CHD6: variants seen among roughly 807,000 people sequenced by gnomAD.
CHD6 encodes ATP-dependent chromatin remodeler CHD6.
Under a neutral mutation model 276.9 loss-of-function variants are expected in CHD6, and 50 were observed. The observed-to-expected ratio is 0.18, with a 90% CI of 0.14 to 0.23. The LOEUF (loss-of-function observed/expected upper bound fraction) is 0.23. Among genes scored for constraint, CHD6 ranks in the 10% least tolerant of loss-of-function variants. The pLI is 1.00. For synonymous variants in CHD6, 1,173 were observed against 1,229.3 expected (o/e 0.95, Z 0.96); for missense variants, 2,564 against 3,365.8 (o/e 0.76, Z 5.89).
chr20:41,518,499 G>C (rs913634389), intron 3 of CHD6, among the ~76,000 whole-genome samples: 1 of 152,174 alleles, frequency 6.6e-6, no homozygotes, highest in African/African-American at 2.4e-5. Context: ...TCAAGCCTGA[G>C]GCGCTACTAG....
chr20:41,527,630 T>C (rs1353210462), intron 3 of CHD6, among the ~76,000 whole-genome samples: 1 of 152,216 alleles, frequency 6.6e-6, no homozygotes, highest in African/African-American at 2.4e-5. Flanking sequence ...GCTGACTTTT[T>C]ACTAAAGGCT....
At chr20:41,427,806 T>C (rs944499009) in intron 27 of CHD6, among the ~76,000 whole-genome samples, 5 of 152,234 alleles carry the variant, frequency 3.3e-5, no homozygotes, top group African/African-American at 1.2e-4. Context: ...TATACTACTA[T>C]TTAGGCAGTT....
intron 27 of CHD6, among the ~76,000 whole-genome samples, chr20:41,435,407 G>T (rs2047674103): frequency 6.6e-6 from 1 of 151,928 alleles, no homozygotes; most frequent in African/African-American, 2.4e-5. Context: ...ACTAGCCTGG[G>T]CAACAGCAAG....
chr20:41,448,029 C>G, intron 23 of CHD6, 58 bp from the exon 24 acceptor site: 4 of 972,564 alleles, frequency 4.1e-6, no homozygotes, highest in Non-Finnish European at 6.2e-6. Context: ...GTCTGTGAAC[C>G]ACATCCCCAA....
chr20:41,535,333 A>G (rs955717923), intron 2 of CHD6, among the ~76,000 whole-genome samples: 1 of 152,366 alleles, frequency 6.6e-6, no homozygotes, highest in Middle Eastern at 3.4e-3. Flanking sequence ...TGTAATCTTT[A>G]TAACAATCCC....
chr20:41,553,363 CTAATAA>C (rs2045174196), intron 1 of CHD6, among the ~76,000 whole-genome samples: 1 of 152,216 alleles, frequency 6.6e-6, no homozygotes. Context: ...TTGGTTTGGG[CTAATAA>C]CTCTTTGTCA....
chr20:41,513,869 C>G (rs1186082220), intron 4 of CHD6, among the ~76,000 whole-genome samples: 12 of 152,194 alleles, frequency 7.9e-5, no homozygotes, highest in Admixed American at 6.5e-5. Context: ...TAAGTTACCT[C>G]TATGATGTTT....
intron 35 of CHD6, 94 bp from the exon 36 acceptor site, chr20:41,412,357 C>T (rs934059732): frequency 2.8e-6 from 4 of 1,424,054 alleles, no homozygotes; most frequent in Admixed American, 1.8e-5. Context: ...CTATTGTTCT[C>T]GTCAATGGTT....
chr20:41,525,993 A>C (rs1358784641), intron 3 of CHD6, among the ~76,000 whole-genome samples: 1 of 152,200 alleles, frequency 6.6e-6, no homozygotes, highest in Admixed American at 6.5e-5. Context: ...TCCCTATAAA[A>C]AAACTCATAA....
chr20:41,612,660 T>A (rs775795488), intron 1 of CHD6, among the ~76,000 whole-genome samples: 52 of 152,240 alleles, frequency 3.4e-4, no homozygotes, highest in Non-Finnish European at 5.6e-4. Flanking sequence ...TGATCTAGAC[T>A]TAGCTTACCA....
At chr20:41,505,393 C>T (rs755817065) in intron 5 of CHD6, among the ~76,000 whole-genome samples, 4 of 152,108 alleles carry the variant, frequency 2.6e-5, no homozygotes, top group African/African-American at 9.7e-5. Flanking sequence ...AAACACTCCA[C>T]GAGCCCTGTA....
At chr20:41,476,214 T>C (rs2043164279) in intron 16 of CHD6, among the ~76,000 whole-genome samples, 1 of 152,126 alleles carries the variant, frequency 6.6e-6, no homozygotes, top group African/African-American at 2.4e-5. Flanking sequence ...TTTTCCACAC[T>C]GAACTTCAGC....
At chr20:41,515,550 AT>A (rs922836230) in intron 3 of CHD6, among the ~76,000 whole-genome samples, 1 of 152,098 alleles carries the variant, frequency 6.6e-6, no homozygotes, top group African/African-American at 2.4e-5. Context: ...AGATGGCAAC[AT>A]TTTCTCTAAA....
rs1339679096 is a variant in CHD6 at position 41,437,310 on chromosome 20, A to G, written c.4032T>C (p.Asn1344=). 1.2e-6 allele frequency: 2 copies of G among 1,613,522 alleles called. No homozygotes were observed. The highest frequency in any genetic ancestry group is 1.3e-5 in the African/African-American group (1 of 74,910). ...PERGNTDKED[N]AEDKVDGLQK... ...GGAGGCCATCTACTTTGTCCTCAGC[A>G]TTGTCTTCTTTATCTGTGTTGCCTC... The change falls in exon 27 of 37, where the codon AAT becomes AAC. Residue 1344 remains asparagine, a synonymous_variant. Coordinates refer to ENST00000373233, the MANE Select transcript of CHD6 (RefSeq NM_032221.5).
chr20:41,580,093 CA>C (rs1437201301), intron 1 of CHD6, among the ~76,000 whole-genome samples: 1 of 152,118 alleles, frequency 6.6e-6, no homozygotes, highest in African/African-American at 2.4e-5. Flanking sequence ...AATTTCCTTT[CA>C]AAACTTAAGA....
rs3215512 is a variant in CHD6, at chr20:41,425,788, T to TA, written c.4129+304dup. ...TAAACCAACCCCCACAACCTTTCTTTAAAAAAAAAAACAAAAAAAACAAAA... is the reference window on the plus strand; with the variant it reads ...TAAACCAACCCCCACAACCTTTCTTTAAAAAAAAAAAACAAAAAAAACAAAA... On this transcript the variant is annotated intron_variant, in intron 28 of 36. Transcript: ENST00000373233. 9.5e-3 allele frequency among the ~76,000 whole-genome samples: 1,341 copies of TA among 141,756 alleles called. 18 individuals are homozygous for TA. Among genetic ancestry groups the TA allele is most frequent in the African/African-American group, 0.028 (1,100 of 38,736 alleles). The allele number at this position is 141,756 out of a possible 152,430, so 93.0% of individuals were successfully genotyped here. A position where few individuals can be genotyped will look rare whatever the true frequency, so the allele number is the denominator to read the frequency against.
intron 16 of CHD6, among the ~76,000 whole-genome samples, chr20:41,475,684 C>G (rs529478037): frequency 6.6e-6 from 1 of 152,250 alleles, no homozygotes; most frequent in African/African-American, 2.4e-5. Flanking sequence ...CCCTCCACCA[C>G]CAACACACAT....
chr20:41,591,383 C>T lies in CHD6; in HGVS notation c.-24+26957G>A, dbSNP rs964464443. On this transcript the variant is annotated intron_variant, in intron 1 of 36. Coordinates refer to ENST00000373233, the MANE Select transcript of CHD6 (RefSeq NM_032221.5). The stretch of plus-strand genomic sequence containing the variant: ...AATTTTACATATATATATATATACA[C>T]ACACACACACACACACACACACACA... 9.8e-3 allele frequency among the ~76,000 whole-genome samples: 737 copies of T among 75,126 alleles called. 3 individuals carry two copies. The highest frequency in any genetic ancestry group is 0.02 in the African/African-American group (164 of 8,118). 49.3% of individuals were successfully genotyped at this position (75,126 alleles called of 152,430 possible). A position where few individuals can be genotyped will look rare whatever the true frequency, so the allele number is the denominator to read the frequency against.
chr20:41,499,279 A>C lies in CHD6; in HGVS notation c.915+16T>G. ...CTGTGCTAATGATATAAAAGCTAGA[A>C]ACATGAGCCACCAACCTCCTGGACA... is the stretch of plus-strand genomic sequence containing the variant. On this transcript the variant is annotated intron_variant, in intron 6 of 36. Coordinates refer to ENST00000373233, the MANE Select transcript of CHD6 (RefSeq NM_032221.5). 4 of 1,592,740 alleles carry C rather than the reference A, an allele frequency of 2.5e-6. No individual in the cohort carries two copies. The highest frequency in any genetic ancestry group is 3.4e-6 in the Non-Finnish European group (4 of 1,168,296).
Sources: gnomAD v4.1 joint callset for allele counts (sites outside exome capture counted in the v4.1 genomes callset) on GRCh38, gnomAD v4.1.1 for gene constraint, MANE v1.5 for transcripts, NCBI Gene and HGNC (gene_info 2026-07-23, HGNC 2026-07-21) for gene names.